ZPBP: variants seen among roughly 807,000 people sequenced by gnomAD.
ZPBP encodes zona pellucida binding protein, also known as zona pellucida-binding protein 1.
In ZPBP, 26 loss-of-function variants were observed where a neutral mutation model predicts 44.8. The observed-to-expected ratio is 0.58, with a 90% confidence interval of 0.43 to 0.81. The LOEUF is 0.81. Among genes scored for constraint, ZPBP ranks in the 30% least tolerant of loss-of-function variants. ZPBP has a pLI of 0.00. For synonymous variants in ZPBP, 174 were observed against 153.2 expected, an observed-to-expected ratio of 1.14 and a Z score of -1.00; for missense variants, 409 against 434.0, an observed-to-expected ratio of 0.94 and a Z score of 0.51.
At chr7:50,078,005 G>C (rs113715856) in intron 3 of ZPBP, among the ~76,000 whole-genome samples, 5 of 151,908 alleles carry the variant, frequency 3.3e-5, no homozygotes, top group African/African-American at 1.2e-4. Context: ...TCCATCAGCA[G>C]ATGAATGGAT....
intron 1 of ZPBP, among the ~76,000 whole-genome samples, chr7:49,911,789 T>G (rs1793454386): frequency 6.6e-6 from 1 of 151,148 alleles, no homozygotes; most frequent in Non-Finnish European, 1.5e-5. Flanking sequence ...CCTAGCTACT[T>G]GAAAGGCTGA....
At chr7:49,984,647 C>A (rs905917683) in intron 6 of ZPBP, among the ~76,000 whole-genome samples, 1 of 152,108 alleles carries the variant, frequency 6.6e-6, no homozygotes, top group African/African-American at 2.4e-5. Flanking sequence ...TGACAGGAAG[C>A]GGGGCTCAGG....
intron 7 of ZPBP, among the ~76,000 whole-genome samples, chr7:49,938,725 T>G (rs1342139044): frequency 2.6e-5 from 4 of 152,180 alleles, no homozygotes; most frequent in Non-Finnish European, 5.9e-5. Context: ...TTTTTCCTGT[T>G]GCAAATGTGG....
intron 1 of ZPBP, among the ~76,000 whole-genome samples, chr7:49,909,282 A>T (rs1452779674): frequency 6.6e-6 from 1 of 152,248 alleles, no homozygotes; most frequent in Non-Finnish European, 1.5e-5. Flanking sequence ...GTGAAATAAA[A>T]GCAGACTGTA....
intron 2 of ZPBP, among the ~76,000 whole-genome samples, chr7:49,899,846 C>T (rs1184702952): frequency 6.6e-6 from 1 of 151,926 alleles, no homozygotes; most frequent in Non-Finnish European, 1.5e-5. Context: ...CTATTGACTA[C>T]TTCATCAACA....
chr7:50,003,826 A>C (rs1222866331), intron 6 of ZPBP, among the ~76,000 whole-genome samples: 1 of 152,168 alleles, frequency 6.6e-6, no homozygotes, highest in African/African-American at 2.4e-5. Flanking sequence ...AACAGGAAAA[A>C]AAATTGCACA....
chr7:49,882,123 A>G (rs1431387423), intron 2 of ZPBP, among the ~76,000 whole-genome samples: 1 of 152,282 alleles, frequency 6.6e-6, no homozygotes. Flanking sequence ...TATATGTGCC[A>G]TAATACTTGA....
At chr7:49,842,330 ATC>A in the ZPBP span, among the ~76,000 whole-genome samples, 1,872 of 152,336 alleles carry the variant, frequency 0.012, 41 homozygotes, top group African/African-American at 0.042. Flanking sequence ...AAACTATATT[ATC>A]TGTATACTTT....
intron 3 of ZPBP, among the ~76,000 whole-genome samples, chr7:50,058,688 A>G (rs1228613396): frequency 6.6e-6 from 1 of 152,166 alleles, no homozygotes; most frequent in African/African-American, 2.4e-5. Context: ...GAAGAAAAAA[A>G]AATATTGGAT....
chr7:49,880,350 T>G (rs1441967829), intron 2 of ZPBP, among the ~76,000 whole-genome samples: 1 of 152,032 alleles, frequency 6.6e-6, no homozygotes, highest in Non-Finnish European at 1.5e-5. Flanking sequence ...CTTTAAAATT[T>G]TTATCTGAAT....
At chr7:49,933,294 C>T (rs1312754111), downstream of ZPBP, among the ~76,000 whole-genome samples, 5 of 151,858 alleles carry the variant, frequency 3.3e-5, no homozygotes, top group Non-Finnish European at 7.4e-5. Flanking sequence ...GATATTTTCC[C>T]CTGACTTCTA....
intron 1 of ZPBP, chr7:49,917,323 T>A (rs1583834702): frequency 6.6e-6 from 1 of 152,216 alleles, no homozygotes; most frequent in Non-Finnish European, 1.5e-5. Flanking sequence ...GGCTAATTTT[T>A]AAATGAACAA....
In ZPBP at chr7:49,870,228, G is replaced by A. The variant is rs151048801; in HGVS notation, n.510-19714C>T. 2.6e-3 allele frequency among the ~76,000 whole-genome samples: 390 copies of A among 152,132 alleles called. 1 individual carries two copies. Among genetic ancestry groups the A allele is most frequent in the African/African-American group, 8.5e-3 (352 of 41,506 alleles). ...ATCCTGGCTAAGACAGTGAAACTCC[G>A]TCTCTACTAAAAATACAAAAAATTA... On this transcript the variant is annotated intron_variant and non_coding_transcript_variant, in intron 2 of 2. Coordinates refer to the ZPBP transcript ENST00000465922.
At chr7:50,074,201 A>C (rs1801975744) in intron 3 of ZPBP, among the ~76,000 whole-genome samples, 1 of 152,036 alleles carries the variant, frequency 6.6e-6, no homozygotes, top group Non-Finnish European at 1.5e-5. Context: ...AACAATGTTA[A>C]GTTTTTATCA....
Position 49,909,423 on chromosome 7 carries a change from T to C in ZPBP, n.412-8208A>G, listed in dbSNP as rs539466413. 2.1e-4 allele frequency among the ~76,000 whole-genome samples: 32 copies of C among 152,308 alleles called. 1 individual carries two copies. In the South Asian group the frequency reaches 5.8e-3, roughly 28 times the overall value. Reference sequence around the variant, plus strand: ...CATCCGAATGGTCACTGTGGCACTGTTGGCCTTATGGACTAAGGAAAATGC... The same window carrying C: ...CATCCGAATGGTCACTGTGGCACTGCTGGCCTTATGGACTAAGGAAAATGC... On this transcript the variant is annotated intron_variant and non_coding_transcript_variant, in intron 1 of 2. Transcript: ENST00000465922.
At chr7:49,885,476 T>A (rs2128728536) in intron 2 of ZPBP, among the ~76,000 whole-genome samples, 1 of 151,740 alleles carries the variant, frequency 6.6e-6, no homozygotes, top group Admixed American at 6.6e-5. Flanking sequence ...GCAGATTAAC[T>A]TCATCAAATT....
chr7:50,057,974 A>G lies in ZPBP; in HGVS notation c.487+15T>C. 2 of 1,602,434 alleles carry G rather than the reference A, an allele frequency of 1.2e-6. No homozygotes were observed. The highest frequency in any genetic ancestry group is 1.7e-6 in the Non-Finnish European group (2 of 1,171,926). On this transcript the variant is annotated intron_variant, in intron 4 of 7. Coordinates refer to ENST00000046087, the MANE Select transcript of ZPBP (RefSeq NM_007009.3). ...CATTAAGAAAGGTTAAAACACAACT[A>G]ACTTTACTTCTTACCATATATAGCA...
chr7:49,949,773 A>G (rs560837228), intron 7 of ZPBP, among the ~76,000 whole-genome samples: 57 of 152,154 alleles, frequency 3.7e-4, no homozygotes, highest in African/African-American at 1.1e-3. Flanking sequence ...ACATTTAAAT[A>G]CACTTAAAAT....
intron 6 of ZPBP, among the ~76,000 whole-genome samples, chr7:49,992,846 G>C (rs1797630212): frequency 6.6e-6 from 1 of 152,024 alleles, no homozygotes; most frequent in Non-Finnish European, 1.5e-5. Flanking sequence ...ACAAGAGAAG[G>C]AAGGACTAAA....
Sources: gnomAD v4.1 joint callset for allele counts (sites outside exome capture counted in the v4.1 genomes callset) on GRCh38, gnomAD v4.1.1 for gene constraint, MANE v1.5 for transcripts, NCBI Gene and HGNC (gene_info 2026-07-23, HGNC 2026-07-21) for gene names.